UNC80: variants seen among roughly 807,000 people sequenced by gnomAD.
UNC80 encodes the protein protein unc-80 homolog.
UNC80 carries 164 observed loss-of-function variants against 384.6 expected under a neutral mutation model. The observed-to-expected ratio is 0.43, with a 90% CI of 0.38 to 0.49. The LOEUF is 0.49. Ranked by LOEUF, UNC80 falls within the 20% of genes least tolerant of loss-of-function variation. The pLI is 0.00. For missense variants in UNC80, 3,330 were observed against 4,143.0 expected (o/e 0.80, Z 5.39); for synonymous variants, 1,486 against 1,527.8 (o/e 0.97, Z 0.64).
At chr2:209,943,586 T>C (rs1186815596) in intron 45 of UNC80, 72 bp downstream of exon 45, 10 of 1,516,870 alleles carry the variant, frequency 6.6e-6, no homozygotes, top group African/African-American at 2.8e-5. Flanking sequence ...TTATTAGAGC[T>C]TACTATGGCA....
In UNC80 at chr2:209,973,098, G is replaced by A. The variant is rs1345252223; in HGVS notation, c.8415G>A (p.Leu2805=). ...GGCTGGAGCAGCCTGAGGTGCAGCT[G>A]CTGCTGCAGACAGTCATCAATGTAC... The part of the protein sequence containing the change: ...SPWLEQPEVQ[L]LLQTVINVLL... The change falls in exon 56 of 65, where the codon CTG becomes CTA. Residue 2805 remains leucine, a synonymous_variant. Coordinates refer to ENST00000673920, the MANE Select transcript of UNC80 (RefSeq NM_001371986.1). The A allele has an allele frequency of 1.9e-6, 3 of 1,551,600 alleles. No individual in the cohort carries two copies. The highest frequency in any genetic ancestry group is 2.6e-6 in the Non-Finnish European group (3 of 1,146,982).
At position 209,813,679 on chromosome 2, in the gene UNC80, A is replaced by G; in HGVS notation, c.1038A>G (p.Glu346=). ...TACTTCAGCCCCATTGGTCTGAGGA[A>G]GGCACTCAGTGGTCTCTGATGTACT... is the stretch of plus-strand genomic sequence containing the variant. ...RCLLQPHWSE[E]GTQWSLMYYL... The change falls in exon 8 of 65, where the codon GAA becomes GAG. Residue 346 remains glutamate, a synonymous_variant. Transcript: ENST00000673920. 6.4e-7 allele frequency: 1 copy of G among 1,551,772 alleles called. No individual in the cohort carries two copies.
At chr2:209,774,076 G>T (rs1407932200) in intron 2 of UNC80, among the ~76,000 whole-genome samples, 1 of 152,070 alleles carries the variant, frequency 6.6e-6, no homozygotes, top group African/African-American at 2.4e-5. Context: ...CTACCAATTT[G>T]GATATTGCCA....
At chr2:209,788,892 C>T (rs902818711) in intron 5 of UNC80, among the ~76,000 whole-genome samples, 3 of 152,124 alleles carry the variant, frequency 2.0e-5, no homozygotes, top group East Asian at 1.9e-4. Context: ...AACACCCATT[C>T]CTGCAAGCTC....
intron 21 of UNC80, among the ~76,000 whole-genome samples, chr2:209,842,824 T>A (rs150716350): frequency 0.013 from 2,030 of 152,328 alleles, 50 homozygotes; most frequent in African/African-American, 0.044. Flanking sequence ...CTCTGCACAC[T>A]TCCACTGAGG....
intron 31 of UNC80, among the ~76,000 whole-genome samples, chr2:209,916,923 G>T (rs1015721734): frequency 5.9e-5 from 9 of 152,172 alleles, no homozygotes; most frequent in African/African-American, 2.2e-4. Context: ...TTGGAAGCAG[G>T]TATTAGTATT....
chr2:209,946,064 T>C (rs2124984507), intron 47 of UNC80, 121 bp downstream of exon 47: 2 of 780,966 alleles, frequency 2.6e-6, no homozygotes, highest in South Asian at 3.7e-5. Context: ...AGTAAGCTTT[T>C]AGAAACTAAA....
chr2:209,778,611 T>C (rs1258946268), intron 4 of UNC80, among the ~76,000 whole-genome samples: 3 of 152,342 alleles, frequency 2.0e-5, no homozygotes, highest in African/African-American at 4.8e-5. Flanking sequence ...TTTAGCTGTG[T>C]GATTTTGTTG....
At chr2:209,862,277 G>A (rs1559218441) in intron 22 of UNC80, among the ~76,000 whole-genome samples, 1 of 151,824 alleles carries the variant, frequency 6.6e-6, no homozygotes, top group Non-Finnish European at 1.5e-5. Flanking sequence ...GCTATGTGGT[G>A]CGGAGAAGAA....
chr2:209,914,546 C>G (rs1000076497), intron 31 of UNC80, among the ~76,000 whole-genome samples: 1 of 146,404 alleles, frequency 6.8e-6, no homozygotes, highest in Non-Finnish European at 1.5e-5. Flanking sequence ...TCCTATGACC[C>G]GCCCCCCTCT....
At chr2:209,940,753 G>A (rs192146634) in intron 43 of UNC80, among the ~76,000 whole-genome samples, 1 of 152,130 alleles carries the variant, frequency 6.6e-6, no homozygotes, top group Non-Finnish European at 1.5e-5. Flanking sequence ...GGAGATGGAG[G>A]TTGCAGTGAG....
intron 7 of UNC80, among the ~76,000 whole-genome samples, chr2:209,807,129 A>T (rs2078950818): frequency 6.6e-6 from 1 of 152,226 alleles, no homozygotes. Flanking sequence ...CAATATTTTT[A>T]AAATAAGTGA....
intron 6 of UNC80, 145 bp from the exon 7 acceptor site, chr2:209,793,575 C>T (rs2077964749): frequency 2.3e-6 from 2 of 881,968 alleles, no homozygotes; most frequent in Non-Finnish European, 3.2e-6. Flanking sequence ...ATCCCTTGGC[C>T]CATAATATCA....
chr2:209,913,392 CT>C (rs2089175684), intron 30 of UNC80, among the ~76,000 whole-genome samples: 2 of 152,060 alleles, frequency 1.3e-5, no homozygotes, highest in South Asian at 4.1e-4. Flanking sequence ...TCACAATGGG[CT>C]TTTTCATCAG....
chr2:209,983,864 G>A (rs977984019), intron 60 of UNC80, among the ~76,000 whole-genome samples: 10 of 152,012 alleles, frequency 6.6e-5, no homozygotes, highest in African/African-American at 2.4e-4. Flanking sequence ...AATAGTTTGG[G>A]CTTCATTCAT....
chr2:209,952,487 A>G (rs1559384498), intron 47 of UNC80, among the ~76,000 whole-genome samples: 1 of 152,196 alleles, frequency 6.6e-6, no homozygotes, highest in Non-Finnish European at 1.5e-5. Flanking sequence ...ACTCCAATAT[A>G]TATTTCCTCG....
At chr2:209,810,332 G>C (rs574985045) in intron 7 of UNC80, among the ~76,000 whole-genome samples, 12 of 152,092 alleles carry the variant, frequency 7.9e-5, no homozygotes, top group Non-Finnish European at 1.8e-4. Context: ...AAAGTACATT[G>C]GTACTTATAT....
chr2:209,892,832 A>G (rs1054024831), intron 26 of UNC80, among the ~76,000 whole-genome samples: 1 of 152,208 alleles, frequency 6.6e-6, no homozygotes, highest in African/African-American at 2.4e-5. Flanking sequence ...GTTTTGTGCT[A>G]TAATTAAAAT....
intron 11 of UNC80, among the ~76,000 whole-genome samples, chr2:209,818,724 T>C (rs998079200): frequency 6.6e-6 from 1 of 152,228 alleles, no homozygotes. Flanking sequence ...ACTAAGTCAG[T>C]GTTAGACAGA....
Sources: allele counts gnomAD v4.1 joint callset (sites outside exome capture counted in the v4.1 genomes callset), GRCh38; gene constraint gnomAD v4.1.1; transcripts MANE v1.5; gene names NCBI Gene and HGNC (gene_info 2026-07-23, HGNC 2026-07-21).